Variants in UNC79 observed in about 807,000 individuals in gnomAD.
UNC79 encodes the protein protein unc-79 homolog.
In UNC79, 37 loss-of-function variants were observed where a neutral mutation model predicts 283.1. That is an observed-to-expected ratio of 0.13 (90% CI 0.10 to 0.17). The LOEUF (loss-of-function observed/expected upper bound fraction) is 0.17, where lower values mean the gene tolerates loss of function less well. Among genes scored for constraint, UNC79 ranks in the 10% least tolerant of loss-of-function variants. The probability of loss-of-function intolerance (pLI) is 1.00; values close to 1 mark genes in which losing one functional copy is unlikely to be tolerated. For synonymous variants in UNC79, 1,107 were observed against 1,200.2 expected (o/e 0.92, Z 1.61); for missense variants, 2,272 against 3,211.1 (o/e 0.71, Z 7.07).
At chr14:93,465,783 G>T (rs1287917086) in intron 1 of UNC79, among the ~76,000 whole-genome samples, 1 of 152,136 alleles carries the variant, frequency 6.6e-6, no homozygotes, top group Non-Finnish European at 1.5e-5. Flanking sequence ...GTGATGGAAT[G>T]ATTAATGGTA....
At chr14:93,594,534 T>C (rs929074840) in intron 23 of UNC79, among the ~76,000 whole-genome samples, 1 of 152,136 alleles carries the variant, frequency 6.6e-6, no homozygotes, top group Non-Finnish European at 1.5e-5. Flanking sequence ...CCTCCCAAAG[T>C]GTTGGGATTA....
rs1295988135 is a variant in UNC79 at position 93,479,263 on chromosome 14, C to T, written c.619+1535C>T. Among the ~76,000 whole-genome samples, 3 of 149,566 alleles carry T rather than the reference C, an allele frequency of 2.0e-5. No individual in the cohort carries two copies. The East Asian group carries it at 5.9e-4, about 30-fold the overall frequency. On this transcript the variant is annotated intron_variant, in intron 4 of 48. Transcript: ENST00000555664. Reference sequence around the variant, plus strand: ...TTCCTCCTTCCCTCCCTTTCTCCCTCCCTCCATTCTTCCCTTCCTCCCTTC... The same window carrying T: ...TTCCTCCTTCCCTCCCTTTCTCCCTTCCTCCATTCTTCCCTTCCTCCCTTC...
intron 7 of UNC79, among the ~76,000 whole-genome samples, chr14:93,516,960 A>T (rs2060092589): frequency 6.6e-6 from 1 of 152,048 alleles, no homozygotes; most frequent in Middle Eastern, 3.4e-3. Context: ...TTATGATTTT[A>T]TATGCTATTA....
At chr14:93,570,185 G>C (rs1355893091) in intron 14 of UNC79, among the ~76,000 whole-genome samples, 1 of 152,148 alleles carries the variant, frequency 6.6e-6, no homozygotes, top group East Asian at 1.9e-4. Context: ...CTGGCCTCAG[G>C]CGATCTTTTT....
chr14:93,572,914 CG>C, intron 16 of UNC79, 98 bp downstream of exon 16: 1 of 1,476,312 alleles, frequency 6.8e-7, no homozygotes, highest in East Asian at 2.3e-5. Flanking sequence ...GCAAAGACTT[CG>C]TAAGTCCCCA....
At chr14:93,665,750 A>G (rs1468846645) in intron 40 of UNC79, among the ~76,000 whole-genome samples, 1 of 152,102 alleles carries the variant, frequency 6.6e-6, no homozygotes, top group Non-Finnish European at 1.5e-5. Context: ...AGAAAAAAGA[A>G]CTATCTACTT....
chr14:93,385,254 T>C (rs954343600), intron 1 of UNC79, among the ~76,000 whole-genome samples: 10 of 152,212 alleles, frequency 6.6e-5, no homozygotes, highest in African/African-American at 2.4e-4. Context: ...GTAGATTGCA[T>C]TGGGTAGTAC....
At chr14:93,604,871 A>G in intron 26 of UNC79, 25 bp from the exon 27 acceptor site, 1 of 1,554,366 alleles carries the variant, frequency 6.4e-7, no homozygotes. Flanking sequence ...TGCTTATTTA[A>G]ATAGAGTTGT....
rs760461542 is a variant in UNC79 at position 93,586,912 on chromosome 14, C to T, written c.3032+4C>T. On this transcript the variant is annotated splice_donor_region_variant and intron_variant, in intron 22 of 48. Coordinates refer to ENST00000555664, the Ensembl canonical transcript of UNC79. Reference sequence around the variant, plus strand: ...AGGACCACATGTTGATTGCAAGGTACGTCTTCCTAATGGTTTGTTTTGATT... The same window carrying T: ...AGGACCACATGTTGATTGCAAGGTATGTCTTCCTAATGGTTTGTTTTGATT... 9.9e-6 allele frequency: 16 copies of T among 1,612,692 alleles called. No homozygotes were observed. Among genetic ancestry groups the T allele is most frequent in the Admixed American group, 1.7e-5 (1 of 59,848 alleles).
At chr14:93,666,292 A>G (rs899440057) in intron 40 of UNC79, among the ~76,000 whole-genome samples, 2 of 152,306 alleles carry the variant, frequency 1.3e-5, no homozygotes, top group Middle Eastern at 3.4e-3. Flanking sequence ...ACAAGCTGTA[A>G]TAAGCACACG....
At chr14:93,518,583 A>G (rs758511329) in intron 7 of UNC79, among the ~76,000 whole-genome samples, 3 of 151,658 alleles carry the variant, frequency 2.0e-5, no homozygotes, top group Non-Finnish European at 3.0e-5. Context: ...GTTTTCTTCC[A>G]CCTACTGAGT....
At chr14:93,679,992 G>A (rs1223162787) in intron 41 of UNC79, among the ~76,000 whole-genome samples, 1 of 152,080 alleles carries the variant, frequency 6.6e-6, no homozygotes, top group Non-Finnish European at 1.5e-5. Context: ...TTTTAGTTGT[G>A]CATCTGATGT....
chr14:93,419,170 CT>C lies in UNC79; in HGVS notation c.-350-48485del, dbSNP rs1230763519. Among the ~76,000 whole-genome samples the C allele has an allele frequency of 9.6e-3, 1,357 of 140,754 alleles. 27 individuals carry two copies. Among genetic ancestry groups the C allele is most frequent in the Middle Eastern group, 0.053 (14 of 266 alleles). The allele number at this position is 140,754 out of a possible 152,430, so 92.3% of individuals were successfully genotyped here. On this transcript the variant is annotated intron_variant, in intron 1 of 49. Coordinates refer to the UNC79 transcript ENST00000256339. ...CTATTTGGCCATCTTGGCTCCACAC[CT>C]TTTTTTTTTTTTTTTGAGATGGAGT...
At chr14:93,385,684 C>T (rs2054758146) in intron 1 of UNC79, among the ~76,000 whole-genome samples, 1 of 151,290 alleles carries the variant, frequency 6.6e-6, no homozygotes, top group Admixed American at 6.6e-5. Context: ...TAGGCTGAGG[C>T]AGGAGAATTG....
chr14:93,486,802 T>C (rs2058466961), intron 4 of UNC79, among the ~76,000 whole-genome samples: 1 of 152,022 alleles, frequency 6.6e-6, no homozygotes, highest in Non-Finnish European at 1.5e-5. Context: ...AAATTTAATA[T>C]GGTATTTGAT....
intron 1 of UNC79, among the ~76,000 whole-genome samples, chr14:93,457,134 C>T (rs1313692319): frequency 6.6e-6 from 1 of 152,210 alleles, no homozygotes; most frequent in Non-Finnish European, 1.5e-5. Flanking sequence ...CTCCATTGTA[C>T]CAAGAGTCAT....
At chr14:93,502,944 A>G (rs922259486) in intron 7 of UNC79, among the ~76,000 whole-genome samples, 4 of 152,218 alleles carry the variant, frequency 2.6e-5, no homozygotes, top group Non-Finnish European at 5.9e-5. Flanking sequence ...TTGAGTTCTT[A>G]GTTATCTGTT....
chr14:93,579,934 G>C (rs1284296762), intron 18 of UNC79, among the ~76,000 whole-genome samples: 2 of 152,044 alleles, frequency 1.3e-5, no homozygotes, highest in Non-Finnish European at 2.9e-5. Context: ...GCTTCATCTT[G>C]TGTTTATATT....
chr14:93,593,780 T>C (rs1012676272), exon 23 of UNC79: 1 of 1,614,008 alleles, frequency 6.2e-7, no homozygotes, highest in African/African-American at 1.3e-5. Context: ...TGACATCTTC[T>C]GGACAATCAT....
Sources: allele counts gnomAD v4.1 joint callset (sites outside exome capture counted in the v4.1 genomes callset), GRCh38; gene constraint gnomAD v4.1.1; transcripts MANE v1.5; gene names NCBI Gene and HGNC (gene_info 2026-07-23, HGNC 2026-07-21).